Variants in NCAPD3 observed in about 807,000 individuals in gnomAD.
NCAPD3 encodes condensin-2 complex subunit D3.
NCAPD3 carries 105 observed loss-of-function variants against 182.9 expected under a neutral mutation model. That is an observed-to-expected ratio of 0.57 (90% CI 0.49 to 0.68). NCAPD3 has a LOEUF of 0.68. Among genes scored for constraint, NCAPD3 ranks in the 30% least tolerant of loss-of-function variants. The probability of loss-of-function intolerance (pLI) is 0.00; values close to 1 mark genes in which losing one functional copy is unlikely to be tolerated. For synonymous variants in NCAPD3, 815 were observed against 679.9 expected, an observed-to-expected ratio of 1.20 and a Z score of -3.09; for missense variants, 1,944 against 1,837.0, an observed-to-expected ratio of 1.06 and a Z score of -1.07.
In NCAPD3 at chr11:134,176,317, C is replaced by A. The variant is rs151063353; in HGVS notation, c.3091G>T (p.Asp1031Tyr). The change falls in exon 24 of 35, where the codon GAC becomes TAC. Residue 1031 changes from aspartate to tyrosine, a missense_variant. Around this residue, in one of 3 missense-constraint regions of NCAPD3, gnomAD observed 1,803 missense variants for 1,674.6 expected, o/e 1.08. Coordinates refer to ENST00000534548, the MANE Select transcript of NCAPD3 (RefSeq NM_015261.3). ...FVSTLIDSHP[D>Y]IASFGEFCLA... ...GAGGAAAAGATTTACCTGGCAATGT[C>A]TGGGTGTGAATCGATCAGAGTGCTG... is the stretch of plus-strand genomic sequence containing the variant. 211 of 1,613,856 alleles carry A rather than the reference C, an allele frequency of 1.3e-4. 2 individuals are homozygous for A. Among genetic ancestry groups the A allele is most frequent in the South Asian group, 1.2e-3 (105 of 91,060 alleles).
At chr11:134,154,903 G>A (rs1057018789) in intron 32 of NCAPD3, among the ~76,000 whole-genome samples, 3 of 152,206 alleles carry the variant, frequency 2.0e-5, no homozygotes, top group Admixed American at 6.5e-5. Flanking sequence ...CCTCATCACT[G>A]CTAGATCTGC....
chr11:134,158,221 C>T (rs1943480923), intron 30 of NCAPD3, 108 bp downstream of exon 30: 1 of 1,534,924 alleles, frequency 6.5e-7, no homozygotes, highest in Admixed American at 1.8e-5. Flanking sequence ...GGGTGGCAGG[C>T]CAGACAATGA....
At chr11:134,181,998 G>A (rs1433157707) in intron 19 of NCAPD3, among the ~76,000 whole-genome samples, 2 of 152,150 alleles carry the variant, frequency 1.3e-5, no homozygotes, top group Non-Finnish European at 2.9e-5. Flanking sequence ...AGTCTGACTT[G>A]CCCTAACGTA....
At chr11:134,224,153 G>T, upstream of NCAPD3, 1 of 603,242 alleles carries the variant, frequency 1.7e-6, no homozygotes, top group Non-Finnish European at 2.9e-6. Context: ...TCCTGCGGGT[G>T]TTCCGCTAAT....
intron 32 of NCAPD3, among the ~76,000 whole-genome samples, chr11:134,154,205 G>A (rs117642059): frequency 1.4e-4 from 21 of 152,332 alleles, no homozygotes; most frequent in African/African-American, 2.9e-4. Flanking sequence ...GTGCTCAAGA[G>A]ATGTTAGCAG....
At position 134,161,908 on chromosome 11, in the gene NCAPD3, A is replaced by C; in HGVS notation, c.3574-17T>G. 1 of 1,368,530 alleles carries C rather than the reference A, an allele frequency of 7.3e-7. No homozygotes were observed. The highest frequency in any genetic ancestry group is 1.0e-6 in the Non-Finnish European group (1 of 981,608). 84.8% of individuals were successfully genotyped at this position (1,368,530 alleles called of 1,614,324 possible). A position where few individuals can be genotyped will look rare whatever the true frequency, so the allele number is the denominator to read the frequency against. ...CTTCTGAACCTGGTAACACAAACAA[A>C]GACATGTTTTAGATGTATGAACTTC... On this transcript the variant is annotated splice_polypyrimidine_tract_variant and intron_variant, in intron 27 of 34. Coordinates refer to ENST00000534548, the MANE Select transcript of NCAPD3 (RefSeq NM_015261.3).
chr11:134,153,176 C>T lies in NCAPD3; in HGVS notation c.4352G>A (p.Gly1451Glu). 2 of 1,614,174 alleles carry T rather than the reference C, an allele frequency of 1.2e-6. No individual in the cohort carries two copies. Among genetic ancestry groups the T allele is most frequent in the Non-Finnish European group, 1.7e-6 (2 of 1,180,022 alleles). ...CAGTGATAAACATAAGATGTCATTTCCTTGACTCCGGCCTTCAATTTTCTC... is the reference window on the plus strand; with the variant it reads ...CAGTGATAAACATAAGATGTCATTTTCTTGACTCCGGCCTTCAATTTTCTC... ...AKEKIEGRSQ[G>E]NDILCLSLPD... is the part of the protein sequence containing the mutation. Residue 1451 changes from glycine to glutamate, a missense_variant, in exon 34 of 35, where the codon GGA becomes GAA. By Grantham distance (98) the Gly-to-Glu change is moderately conservative (BLOSUM62 -2). This residue lies in a region of NCAPD3 where 1,803 missense variants were observed against 1,674.6 expected (regional missense o/e 1.08). Coordinates refer to ENST00000534548, the MANE Select transcript of NCAPD3 (RefSeq NM_015261.3).
Position 134,172,538 on chromosome 11 carries a change from A to T in NCAPD3, c.3102-3484T>A, listed in dbSNP as rs1944033106. 2.0e-5 allele frequency among the ~76,000 whole-genome samples: 3 copies of T among 152,118 alleles called. No individual in the cohort carries two copies. In the South Asian group the frequency reaches 6.2e-4, roughly 32 times the overall value. On this transcript the variant is annotated intron_variant, in intron 24 of 34. Coordinates refer to ENST00000534548, the MANE Select transcript of NCAPD3 (RefSeq NM_015261.3). Reference sequence around the variant, plus strand: ...GCCCCCTTTTCTATCTCAATGGTCCATTATTTGAGGCGCTGTCCTGCCTTG... The same window carrying T: ...GCCCCCTTTTCTATCTCAATGGTCCTTTATTTGAGGCGCTGTCCTGCCTTG...
At chr11:134,164,900 G>A (rs151226910) in intron 27 of NCAPD3, among the ~76,000 whole-genome samples, 11 of 152,090 alleles carry the variant, frequency 7.2e-5, no homozygotes, top group South Asian at 6.3e-4. Flanking sequence ...GAGCTTAGGG[G>A]GAGCTGCACA....
At chr11:134,211,875 G>A (rs528378369) in intron 3 of NCAPD3, among the ~76,000 whole-genome samples, 2 of 152,210 alleles carry the variant, frequency 1.3e-5, no homozygotes, top group African/African-American at 4.8e-5. Context: ...GGAGAACATC[G>A]TGCAGTCTAA....
At chr11:134,214,757 A>T (rs1937956297) in intron 3 of NCAPD3, among the ~76,000 whole-genome samples, 1 of 152,108 alleles carries the variant, frequency 6.6e-6, no homozygotes, top group Non-Finnish European at 1.5e-5. Flanking sequence ...CTTTCAAAAA[A>T]CTCCAGGCCC....
At position 134,177,450 on chromosome 11, in the gene NCAPD3, C is replaced by G; in HGVS notation, c.2790G>C (p.Leu930=). 4 of 1,611,974 alleles carry G rather than the reference C, an allele frequency of 2.5e-6. No homozygotes were observed. Among genetic ancestry groups the G allele is most frequent in the Non-Finnish European group, 3.4e-6 (4 of 1,178,236 alleles). The change falls in exon 23 of 35, where the codon CTG becomes CTC. Residue 930 remains leucine, a synonymous_variant. Coordinates refer to ENST00000534548, the MANE Select transcript of NCAPD3 (RefSeq NM_015261.3). ...RAHAIITLGK[L]CLQHEDLAKK... is the part of the protein sequence containing the mutation. ...TTGCCAGATCCTCGTGCTGTAAGCA[C>G]AGCTTACCTGGCACAGAAGACAGGA... is the stretch of plus-strand genomic sequence containing the variant.
chr11:134,156,964 C>T, intron 32 of NCAPD3, 54 bp downstream of exon 32: 1 of 1,463,102 alleles, frequency 6.8e-7, no homozygotes, highest in Non-Finnish European at 9.5e-7. Context: ...GCAAACACAT[C>T]ACGAATGCAG....
intron 32 of NCAPD3, among the ~76,000 whole-genome samples, chr11:134,154,407 T>A (rs1041545873): frequency 6.6e-6 from 1 of 151,686 alleles, no homozygotes; most frequent in East Asian, 2.0e-4. Context: ...GGTGCACGCG[T>A]GCACAAACAC....
Position 134,159,924 on chromosome 11 carries a change from C to A in NCAPD3, c.3835G>T (p.Ala1279Ser), listed in dbSNP as rs779894744. ...LAKHADVAGT[A>S]GGAEVAPVAQ... The stretch of plus-strand genomic sequence containing the variant: ...ACAGGTGCCACCTCAGCACCTCCAG[C>A]CGTCCCGGCCACATCTGCATGTTTT... Residue 1279 changes from alanine to serine, a missense_variant, in exon 29 of 35, where the codon GCT becomes TCT. Physicochemically the swap from Ala to Ser is moderately conservative, Grantham distance 99 (BLOSUM62 1). Transcript: ENST00000534548. 17 of 1,613,476 alleles carry A rather than the reference C, an allele frequency of 1.1e-5. No individual in the cohort carries two copies. The highest frequency in any genetic ancestry group is 1.4e-5 in the Non-Finnish European group (17 of 1,180,010).
At chr11:134,224,032 C>A (rs1938353769), upstream of NCAPD3, 1 of 1,361,758 alleles carries the variant, frequency 7.3e-7, no homozygotes, top group Non-Finnish European at 1.0e-6. Context: ...CAGAATTTCC[C>A]ACTGGCCAAC....
At chr11:134,224,147 G>A, upstream of NCAPD3, 1 of 607,232 alleles carries the variant, frequency 1.6e-6, no homozygotes, top group Non-Finnish European at 2.9e-6. Flanking sequence ...CAAGGCTCCT[G>A]CGGGTGTTCC....
rs774425054 is a variant in NCAPD3, at chr11:134,204,179, G to A, written c.1090-8C>T. 5 of 1,610,542 alleles carry A rather than the reference G, an allele frequency of 3.1e-6. No homozygotes were observed. The highest frequency in any genetic ancestry group is 4.2e-6 in the Non-Finnish European group (5 of 1,178,830). ...CTCTGATTTATCTACCACCTGAAAA[G>A]CAAAAAGAGAAGTTGACCAACCAAT... On this transcript the variant is annotated splice_region_variant and splice_polypyrimidine_tract_variant and intron_variant, in intron 9 of 34. Transcript: ENST00000534548. This position sits in a 1 kb window ranked among gnomAD's most constrained non-coding sequence, Gnocchi z 4.3.
At chr11:134,183,920 TTTAA>T (rs1327556447) in intron 19 of NCAPD3, among the ~76,000 whole-genome samples, 4 of 152,262 alleles carry the variant, frequency 2.6e-5, no homozygotes, top group Admixed American at 6.5e-5. Context: ...CCAGCAATTA[TTTAA>T]TTTTTGTTTT....
Sources: allele counts gnomAD v4.1 joint callset (sites outside exome capture counted in the v4.1 genomes callset), GRCh38; gene constraint gnomAD v4.1.1; regional missense constraint gnomAD v4.1.1; non-coding constraint Gnocchi (gnomAD v3.1); transcripts MANE v1.5; gene names NCBI Gene and HGNC (gene_info 2026-07-23, HGNC 2026-07-21).